COBL: variants seen among roughly 807,000 people sequenced by gnomAD.
COBL encodes the protein cordon-bleu WH2 repeat protein.
In COBL, 51 loss-of-function variants were observed where a neutral mutation model predicts 98.8. That is an observed-to-expected ratio of 0.52 (90% CI 0.41 to 0.65). COBL has a LOEUF of 0.65. Among genes scored for constraint, COBL ranks in the 30% least tolerant of loss-of-function variants. COBL has a pLI of 0.00. For synonymous variants in COBL, 634 were observed against 651.7 expected, an observed-to-expected ratio of 0.97 and a Z score of 0.41; for missense variants, 1,617 against 1,617.5, an observed-to-expected ratio of 1.00 and a Z score of 0.01.
At chr7:51,289,567 C>T (rs942221212) in intron 1 of COBL, among the ~76,000 whole-genome samples, 3 of 152,256 alleles carry the variant, frequency 2.0e-5, no homozygotes, top group South Asian at 2.1e-4. Flanking sequence ...GCTTACCTCC[C>T]GTCCTAGAGT....
Position 51,058,795 on chromosome 7 carries a change from G to C in COBL, c.1097-15103C>G, listed in dbSNP as rs1791029496. Among the ~76,000 whole-genome samples the C allele has an allele frequency of 2.0e-5, 3 of 152,364 alleles. 1 individual carries two copies. The highest frequency in any genetic ancestry group is 4.1e-4 in the South Asian group (2 of 4,828). ...CGGAGCCTCTGAGCGTGGGCTGTTA[G>C]AGCGAGTCTGATTGCTGAGATTCCC... On this transcript the variant is annotated intron_variant, in intron 7 of 12. Transcript: ENST00000265136.
intron 5 of COBL, among the ~76,000 whole-genome samples, chr7:51,175,042 G>C (rs1788237496): frequency 6.6e-6 from 1 of 152,218 alleles, no homozygotes; most frequent in East Asian, 1.9e-4. Context: ...GAGACCTCCT[G>C]AATCCGGACC....
chr7:51,206,232 C>T lies in COBL; in HGVS notation c.246-12643G>A, dbSNP rs1022501329. ...ATGGGCCAGGCACGGTGGTTCACAC[C>T]TGTAATCCTAGCACTTTGGGAGGCC... On this transcript the variant is annotated intron_variant, in intron 2 of 12. Transcript: ENST00000265136. Among the ~76,000 whole-genome samples the T allele has an allele frequency of 3.3e-5, 5 of 152,134 alleles. No individual in the cohort carries two copies. In the East Asian group the frequency reaches 9.6e-4, roughly 29 times the overall value.
chr7:51,046,259 G>T (rs940191021), intron 7 of COBL, among the ~76,000 whole-genome samples: 1 of 152,180 alleles, frequency 6.6e-6, no homozygotes, highest in Non-Finnish European at 1.5e-5. Flanking sequence ...GGAGTATAGG[G>T]TGGGGCAGGG....
chr7:51,029,846 T>G (rs954603455), intron 9 of COBL, among the ~76,000 whole-genome samples: 1 of 152,228 alleles, frequency 6.6e-6, no homozygotes, highest in Non-Finnish European at 1.5e-5. Context: ...GCCAACATCC[T>G]TCACTTAAAA....
intron 7 of COBL, among the ~76,000 whole-genome samples, chr7:51,062,207 C>T (rs1418147218): frequency 6.6e-6 from 1 of 152,116 alleles, no homozygotes; most frequent in Non-Finnish European, 1.5e-5. Flanking sequence ...TTAGCTTTCC[C>T]AGGATGCAAC....
Position 51,025,105 on chromosome 7 carries a change from T to C in COBL, c.3768+4A>G, listed in dbSNP as rs1231962783. The C allele has an allele frequency of 6.2e-7, 1 of 1,611,846 alleles. No individual in the cohort carries two copies. Among genetic ancestry groups the C allele is most frequent in the Non-Finnish European group, 8.5e-7 (1 of 1,179,864 alleles). On this transcript the variant is annotated splice_donor_region_variant and intron_variant, in intron 12 of 12. Coordinates refer to ENST00000265136, the MANE Select transcript of COBL (RefSeq NM_015198.5). ...TTGAAATGCGCACACACAGTCGCCA[T>C]CACCTTTCTCAGTCTCGCAGCCCCT...
At chr7:51,043,774 G>C in intron 7 of COBL, 82 bp from the exon 8 acceptor site, 1 of 1,248,768 alleles carries the variant, frequency 8.0e-7, no homozygotes, top group Non-Finnish European at 1.1e-6. Context: ...TCAGTCTGTC[G>C]GCCCCGCTCT....
chr7:51,024,653 GTGAA>G (rs3216937), intron 12 of COBL, among the ~76,000 whole-genome samples: 13,930 of 151,226 alleles, frequency 0.092, 1,073 homozygotes, highest in East Asian at 0.26. Flanking sequence ...GCATGTACGA[GTGAA>G]TGAATGAATG....
At chr7:51,208,258 G>A (rs1260282669) in intron 2 of COBL, among the ~76,000 whole-genome samples, 1 of 151,192 alleles carries the variant, frequency 6.6e-6, no homozygotes, top group Non-Finnish European at 1.5e-5. Flanking sequence ...GAGAAGTGAG[G>A]AGCCCCTCCG....
rs139521462 is a variant in COBL, at chr7:51,269,254, G to C, written c.41+47339C>G. Among the ~76,000 whole-genome samples, 40 of 152,314 alleles carry C rather than the reference G, an allele frequency of 2.6e-4. No individual in the cohort carries two copies. The East Asian group carries it at 7.2e-3, about 27-fold the overall frequency. Reference sequence around the variant, plus strand: ...GTTGGGGATCTTTTCCTCACAATGGGAGGGCAGAAGTGGCTCATTTTTCCT... The same window carrying C: ...GTTGGGGATCTTTTCCTCACAATGGCAGGGCAGAAGTGGCTCATTTTTCCT... On this transcript the variant is annotated intron_variant, in intron 1 of 12. Transcript: ENST00000265136.
At chr7:51,282,509 CAAG>C (rs1360815786) in intron 1 of COBL, among the ~76,000 whole-genome samples, 1 of 151,958 alleles carries the variant, frequency 6.6e-6, no homozygotes, top group African/African-American at 2.4e-5. Flanking sequence ...GTCAATTCAA[CAAG>C]AAGATATAAC....
chr7:51,125,700 T>G (rs1337482309), intron 6 of COBL, among the ~76,000 whole-genome samples: 1 of 152,268 alleles, frequency 6.6e-6, no homozygotes, highest in African/African-American at 2.4e-5. Flanking sequence ...ACACTAAATA[T>G]AACTGCCACG....
intron 6 of COBL, among the ~76,000 whole-genome samples, chr7:51,127,353 C>T (rs1327302971): frequency 6.6e-6 from 1 of 152,206 alleles, no homozygotes; most frequent in Non-Finnish European, 1.5e-5. Context: ...TAGGCTGCTG[C>T]CCACAACTAA....
chr7:51,290,221 A>G (rs1209224772), intron 1 of COBL, among the ~76,000 whole-genome samples: 1 of 152,260 alleles, frequency 6.6e-6, no homozygotes, highest in African/African-American at 2.4e-5. Context: ...TGGGCAAGTC[A>G]CAATGCCAGT....
intron 7 of COBL, chr7:51,064,985 G>C: frequency 1.7e-6 from 1 of 601,690 alleles, no homozygotes; most frequent in African/African-American, 1.9e-5. Flanking sequence ...AGAAACCAGG[G>C]ACAATATGGC....
At chr7:51,106,058 G>T (rs1328479943) in intron 6 of COBL, among the ~76,000 whole-genome samples, 5 of 139,598 alleles carry the variant, frequency 3.6e-5, no homozygotes, top group Admixed American at 2.8e-4. Context: ...AAAAAAAATT[G>T]TCGGGGGTGG....
At chr7:51,113,827 TA>T (rs1797044062) in intron 6 of COBL, among the ~76,000 whole-genome samples, 1 of 152,240 alleles carries the variant, frequency 6.6e-6, no homozygotes, top group Non-Finnish European at 1.5e-5. Context: ...TCTCTTCACA[TA>T]ACCTAAGGTT....
intron 5 of COBL, among the ~76,000 whole-genome samples, chr7:51,171,405 C>G (rs1329510623): frequency 6.6e-6 from 1 of 152,102 alleles, no homozygotes; most frequent in Non-Finnish European, 1.5e-5. Flanking sequence ...AAAAGCACTG[C>G]TATAAGAGAA....
Sources: gnomAD v4.1 joint callset for allele counts (sites outside exome capture counted in the v4.1 genomes callset) on GRCh38, gnomAD v4.1.1 for gene constraint, MANE v1.5 for transcripts, NCBI Gene and HGNC (gene_info 2026-07-23, HGNC 2026-07-21) for gene names.